Variants in CACNB2 observed in about 807,000 individuals in gnomAD.
CACNB2 encodes the protein voltage-dependent L-type calcium channel subunit beta-2.
A neutral mutation model predicts 73.3 loss-of-function variants in CACNB2; 42 were observed. That is an observed-to-expected ratio of 0.57 (90% CI 0.45 to 0.74). CACNB2 has a LOEUF of 0.74. CACNB2 is among the 30% of genes least tolerant of loss of function. The probability of loss-of-function intolerance (pLI) is 0.00; values close to 1 mark genes in which losing one functional copy is unlikely to be tolerated. For synonymous variants in CACNB2, 348 were observed against 310.3 expected, an observed-to-expected ratio of 1.12 and a Z score of -1.28; for missense variants, 940 against 853.0, an observed-to-expected ratio of 1.10 and a Z score of -1.27.
At chr10:18,257,183 A>AGT (rs1415878496) in intron 2 of CACNB2, 1 of 152,218 alleles carries the variant, frequency 6.6e-6, no homozygotes, top group African/African-American at 2.4e-5. Context: ...AGCTCTCAGC[A>AGT]GTGACACATG....
At chr10:18,304,393 A>C (rs1564420565) in intron 2 of CACNB2, among the ~76,000 whole-genome samples, 1 of 152,226 alleles carries the variant, frequency 6.6e-6, no homozygotes, top group Non-Finnish European at 1.5e-5. Flanking sequence ...TGTGGAGCTT[A>C]AAAAAAGTAT....
intron 8 of CACNB2, 111 bp downstream of exon 8, chr10:18,518,527 T>A (rs1437834655): frequency 6.2e-6 from 5 of 800,682 alleles, no homozygotes; most frequent in Non-Finnish European, 1.1e-5. Context: ...GAGCCAACTT[T>A]AGAGCTTAGA....
chr10:18,151,084 C>T (rs2131033189), intron 2 of CACNB2, 109 bp downstream of exon 2: 2 of 777,774 alleles, frequency 2.6e-6, no homozygotes, highest in South Asian at 1.5e-5. Context: ...ATTGTACTTA[C>T]TTTTAATTGA....
intron 2 of CACNB2, among the ~76,000 whole-genome samples, chr10:18,232,258 C>G (rs2036252354): frequency 6.6e-6 from 1 of 152,068 alleles, no homozygotes; most frequent in South Asian, 2.1e-4. Flanking sequence ...ATTCTCATGA[C>G]CAATCTATTC....
intron 2 of CACNB2, among the ~76,000 whole-genome samples, chr10:18,375,643 G>A (rs2042768449): frequency 6.6e-6 from 1 of 152,176 alleles, no homozygotes; most frequent in Non-Finnish European, 1.5e-5. Flanking sequence ...GGGTTGTGCA[G>A]GAGCCCATTC....
intron 3 of CACNB2, among the ~76,000 whole-genome samples, chr10:18,447,078 A>C (rs1465364512): frequency 6.6e-6 from 1 of 151,998 alleles, no homozygotes; most frequent in East Asian, 1.9e-4. Flanking sequence ...AAAATAAATA[A>C]ATAAAAAGTT....
At chr10:18,514,827 ATC>A (rs1446722416) in intron 7 of CACNB2, among the ~76,000 whole-genome samples, 1 of 152,210 alleles carries the variant, frequency 6.6e-6, no homozygotes, top group Admixed American at 6.5e-5. Flanking sequence ...TGCTTATTCT[ATC>A]TCTTTCTTTT....
rs368754310 is a variant in CACNB2, at chr10:18,542,611, T to C, written c.*2887T>C. 1.1e-4 allele frequency: 17 copies of C among 152,322 alleles called. No homozygotes were observed. The highest frequency in any genetic ancestry group is 9.8e-4 in the Admixed American group (15 of 15,294). 9.4% of individuals were successfully genotyped at this position (152,322 alleles called of 1,614,324 possible). Reference sequence around the variant, plus strand: ...AGCTTGCACTTTACTGTAGAACATATTAGTGCAAATCAGAATATTCCTCAA... The same window carrying C: ...AGCTTGCACTTTACTGTAGAACATACTAGTGCAAATCAGAATATTCCTCAA... On this transcript the variant is annotated 3_prime_UTR_variant, in exon 14 of 14. Coordinates refer to ENST00000324631, the MANE Select transcript of CACNB2 (RefSeq NM_201596.3).
chr10:18,520,626 G>A (rs906287751), intron 9 of CACNB2, among the ~76,000 whole-genome samples: 2 of 152,076 alleles, frequency 1.3e-5, no homozygotes, highest in Non-Finnish European at 2.9e-5. Context: ...TCCTACAGTG[G>A]CCTACATGAC....
At chr10:18,370,358 A>G (rs553255879) in intron 2 of CACNB2, among the ~76,000 whole-genome samples, 1 of 152,100 alleles carries the variant, frequency 6.6e-6, no homozygotes, top group African/African-American at 2.4e-5. Flanking sequence ...CAGGGGCACT[A>G]TCTGGGTAGG....
At chr10:18,217,581 G>A (rs2035564397) in intron 2 of CACNB2, among the ~76,000 whole-genome samples, 1 of 151,978 alleles carries the variant, frequency 6.6e-6, no homozygotes, top group African/African-American at 2.4e-5. Flanking sequence ...ATGAGCATAA[G>A]GGAAGTCAGA....
At chr10:18,143,845 T>C (rs1588532365) in intron 1 of CACNB2, among the ~76,000 whole-genome samples, 1 of 152,180 alleles carries the variant, frequency 6.6e-6, no homozygotes, top group African/African-American at 2.4e-5. Context: ...AAAGCAATGA[T>C]TGGTTTTAGG....
Position 18,140,864 on chromosome 10 carries a change from G to C in CACNB2, c.120+8G>C. 6.3e-7 allele frequency: 1 copy of C among 1,592,926 alleles called. No homozygotes were observed. The highest frequency in any genetic ancestry group is 8.5e-7 in the Non-Finnish European group (1 of 1,171,850). ...CTCGGAGCCGCCGCACAGGTAGCGA[G>C]AGCGCGGCGCCTTCTCCTTCCTTTG... On this transcript the variant is annotated splice_region_variant and intron_variant, in intron 1 of 13. Coordinates refer to ENST00000324631, the MANE Select transcript of CACNB2 (RefSeq NM_201596.3).
At chr10:18,149,235 C>G (rs1397656436) in intron 1 of CACNB2, among the ~76,000 whole-genome samples, 1 of 151,774 alleles carries the variant, frequency 6.6e-6, no homozygotes, top group Non-Finnish European at 1.5e-5. Flanking sequence ...CTTCTTAGGC[C>G]TTAGAAAATG....
chr10:18,189,769 T>C (rs1194481534), intron 2 of CACNB2, among the ~76,000 whole-genome samples: 3 of 152,210 alleles, frequency 2.0e-5, no homozygotes, highest in Non-Finnish European at 2.9e-5. Context: ...TTGTTACATA[T>C]TGCCAACTTT....
intron 3 of CACNB2, among the ~76,000 whole-genome samples, chr10:18,446,978 G>C (rs2046765949): frequency 6.6e-6 from 1 of 151,952 alleles, no homozygotes; most frequent in Non-Finnish European, 1.5e-5. Flanking sequence ...AGGATTGGAT[G>C]AGCACAGAAG....
intron 3 of CACNB2, among the ~76,000 whole-genome samples, chr10:18,470,039 T>A (rs562657048): frequency 5.3e-5 from 8 of 152,236 alleles, no homozygotes; most frequent in Admixed American, 5.2e-4. Context: ...TTGCAGTTAA[T>A]ATCTATGAAA....
At chr10:18,337,781 A>G (rs560884109) in intron 2 of CACNB2, among the ~76,000 whole-genome samples, 2 of 152,182 alleles carry the variant, frequency 1.3e-5, no homozygotes, top group Non-Finnish European at 2.9e-5. Flanking sequence ...GTATTTCTGC[A>G]TATTTTCAAC....
chr10:18,489,444 C>CTTT (rs111643893), intron 3 of CACNB2, among the ~76,000 whole-genome samples: 66 of 131,876 alleles, frequency 5.0e-4, no homozygotes, highest in South Asian at 7.2e-4. Context: ...TAAAATTTAA[C>CTTT]TTTTTTTTTT....
Sources: gnomAD v4.1 joint callset for allele counts (sites outside exome capture counted in the v4.1 genomes callset) on GRCh38, gnomAD v4.1.1 for gene constraint, MANE v1.5 for transcripts, NCBI Gene and HGNC (gene_info 2026-07-23, HGNC 2026-07-21) for gene names.